Variants in RBFOX3 observed in about 807,000 individuals in gnomAD.
RBFOX3 encodes RNA binding protein fox-1 homolog 3.
RBFOX3 carries 17 observed loss-of-function variants against 48.7 expected under a neutral mutation model. The ratio of observed to expected loss-of-function variants is 0.35; its 90% CI spans 0.24 to 0.52. The LOEUF is 0.52. Ranked by LOEUF, RBFOX3 falls within the 20% of genes least tolerant of loss-of-function variation. RBFOX3 has a pLI of 0.94. For synonymous variants in RBFOX3, 212 were observed against 209.5 expected (o/e 1.01, Z -0.10); for missense variants, 382 against 497.5 (o/e 0.77, Z 2.21).
At chr17:79,275,123 CCTCTCTCTCTCTCTCTCTCT>C (rs368963249) in intron 3 of RBFOX3, among the ~76,000 whole-genome samples, 1 of 130,594 alleles carries the variant, frequency 7.7e-6, no homozygotes, top group African/African-American at 3.0e-5. Flanking sequence ...TCCATGTCTC[CCTCTCTCTCTCTCTCTCTCT>C]CTCTCTCTGT....
rs1036122764 is a variant in RBFOX3 at position 79,095,550 on chromosome 17, C to G, written c.961G>C (p.Ala321Pro). 1 of 1,551,286 alleles carries G rather than the reference C, an allele frequency of 6.4e-7. No homozygotes were observed. Among genetic ancestry groups the G allele is most frequent in the African/African-American group, 1.4e-5 (1 of 73,038 alleles). Residue 321 changes from alanine to proline, a missense_variant, in exon 13 of 15, where the codon GCT (alanine) becomes CCT (proline). Ala to Pro is a conservative substitution (Grantham distance 27). Coordinates refer to ENST00000693108, the MANE Select transcript of RBFOX3 (RefSeq NM_001350451.2). ...IYGGYAAYRY[A>P]QPAAAAAAYS... ...GCTGCCGCCGCTGCAGCGGGCTGAGCGTATCTGTAGGCTGCGTAGCCTCCC... is the reference window on the plus strand; with the variant it reads ...GCTGCCGCCGCTGCAGCGGGCTGAGGGTATCTGTAGGCTGCGTAGCCTCCC...
intron 4 of RBFOX3, among the ~76,000 whole-genome samples, chr17:79,161,107 C>A (rs768908028): frequency 6.6e-6 from 1 of 152,182 alleles, no homozygotes; most frequent in Non-Finnish European, 1.5e-5. Flanking sequence ...GAAACATAGC[C>A]CCTCTGCAGA....
chr17:79,406,770 C>T (rs1382183586), intron 2 of RBFOX3, among the ~76,000 whole-genome samples: 1 of 152,174 alleles, frequency 6.6e-6, no homozygotes, highest in Non-Finnish European at 1.5e-5. Context: ...GTTTAACTGG[C>T]TTGCCCCCGC....
At chr17:79,495,117 C>A (rs1197909871) in intron 1 of RBFOX3, among the ~76,000 whole-genome samples, 2 of 152,072 alleles carry the variant, frequency 1.3e-5, no homozygotes, top group Non-Finnish European at 1.5e-5. Context: ...GCCCCCTCCT[C>A]ACAGCCCATC....
intron 1 of RBFOX3, among the ~76,000 whole-genome samples, chr17:79,520,822 G>C (rs1317232013): frequency 6.6e-6 from 1 of 152,170 alleles, no homozygotes; most frequent in African/African-American, 2.4e-5. Flanking sequence ...AGACACACTC[G>C]CACACAGCTT....
At chr17:79,563,732 T>G (rs1349919603) in intron 1 of RBFOX3, among the ~76,000 whole-genome samples, 1 of 152,212 alleles carries the variant, frequency 6.6e-6, no homozygotes, top group African/African-American at 2.4e-5. Context: ...CCATCTTCAG[T>G]GCCTTGCCTG....
In RBFOX3 at chr17:79,387,452, C is replaced by T. The variant is rs142675275; in HGVS notation, c.-174-79628G>A. Among the ~76,000 whole-genome samples, 806 of 152,374 alleles carry T rather than the reference C, an allele frequency of 5.3e-3. 7 individuals are homozygous for T. The highest frequency in any genetic ancestry group is 9.5e-3 in the South Asian group (46 of 4,828). ...GTCCCAGGTCTTTTAAAAGCAACCT[C>T]AGCTTTCCGGCAGGGCCTGATCTAG... On this transcript the variant is annotated intron_variant, in intron 2 of 14. Coordinates refer to ENST00000693108, the MANE Select transcript of RBFOX3 (RefSeq NM_001350451.2).
At chr17:79,506,733 T>A (rs2083192193) in intron 1 of RBFOX3, among the ~76,000 whole-genome samples, 1 of 151,884 alleles carries the variant, frequency 6.6e-6, no homozygotes, top group Non-Finnish European at 1.5e-5. Context: ...GCTCAGTGAG[T>A]CTGGATGGGA....
At chr17:79,525,600 A>T (rs1038014885) in intron 1 of RBFOX3, among the ~76,000 whole-genome samples, 10 of 152,212 alleles carry the variant, frequency 6.6e-5, no homozygotes, top group Admixed American at 6.5e-4. Context: ...TTCTATAATC[A>T]CATACGTGTA....
intron 2 of RBFOX3, among the ~76,000 whole-genome samples, chr17:79,348,847 A>G (rs2083364607): frequency 6.6e-6 from 1 of 151,612 alleles, no homozygotes; most frequent in African/African-American, 2.4e-5. Context: ...AAGTGCTGGT[A>G]TTACAGACAT....
chr17:79,269,614 C>G (rs1252004028), intron 3 of RBFOX3, among the ~76,000 whole-genome samples: 2 of 148,524 alleles, frequency 1.3e-5, no homozygotes, highest in Non-Finnish European at 3.0e-5. Context: ...CTTCTCTGTT[C>G]TCCCCCTACC....
intron 3 of RBFOX3, among the ~76,000 whole-genome samples, chr17:79,265,675 G>A (rs183646931): frequency 2.0e-5 from 3 of 152,332 alleles, no homozygotes; most frequent in Admixed American, 6.5e-5. Context: ...CTTAGTTTCC[G>A]AATGCCTTTC....
At chr17:79,494,550 A>T (rs2081168084) in intron 1 of RBFOX3, among the ~76,000 whole-genome samples, 1 of 152,250 alleles carries the variant, frequency 6.6e-6, no homozygotes, top group African/African-American at 2.4e-5. Context: ...CAGAGAAGAC[A>T]CACAGAGCAC....
At chr17:79,585,731 C>G (rs1278901754) in intron 1 of RBFOX3, among the ~76,000 whole-genome samples, 1 of 152,102 alleles carries the variant, frequency 6.6e-6, no homozygotes, top group Non-Finnish European at 1.5e-5. Flanking sequence ...CTCCCAGCAG[C>G]AAAGTGCCAG....
intron 3 of RBFOX3, among the ~76,000 whole-genome samples, chr17:79,302,299 T>C (rs2075435309): frequency 6.6e-6 from 1 of 152,104 alleles, no homozygotes; most frequent in Non-Finnish European, 1.5e-5. Flanking sequence ...GGCTTAGAAG[T>C]TAAGTACACG....
At chr17:79,118,907 T>C (rs1599517073) in intron 4 of RBFOX3, among the ~76,000 whole-genome samples, 1 of 150,112 alleles carries the variant, frequency 6.7e-6, no homozygotes, top group Non-Finnish European at 1.5e-5. Flanking sequence ...AGCCTGGAGG[T>C]TGAGGCTGCA....
chr17:79,489,224 A>C (rs1425769421), intron 1 of RBFOX3, among the ~76,000 whole-genome samples: 1 of 134,330 alleles, frequency 7.4e-6, no homozygotes, highest in Admixed American at 8.2e-5. Flanking sequence ...TTAGCCTTCT[A>C]GTCCTGCCAG....
rs2057407237 is a variant in RBFOX3, at chr17:79,205,842, T to A, written c.-34+29924A>T. Reference sequence around the variant, plus strand: ...TAAAGAGTCAAAAGCAGTTGGCTTTTTTTTTTTTTTTCCTTAAAGTAGTTT... The same window carrying A: ...TAAAGAGTCAAAAGCAGTTGGCTTTATTTTTTTTTTTCCTTAAAGTAGTTT... On this transcript the variant is annotated intron_variant, in intron 4 of 14. Coordinates refer to ENST00000693108, the MANE Select transcript of RBFOX3 (RefSeq NM_001350451.2). This position sits in a 1 kb window ranked among gnomAD's most constrained non-coding sequence, Gnocchi z 4.5. Among the ~76,000 whole-genome samples the A allele has an allele frequency of 6.7e-6, 1 of 149,318 alleles. No homozygotes were observed. The highest frequency in any genetic ancestry group is 6.7e-5 in the Admixed American group (1 of 14,994).
intron 3 of RBFOX3, among the ~76,000 whole-genome samples, chr17:79,271,584 C>T (rs1567953694): frequency 6.6e-6 from 1 of 152,196 alleles, no homozygotes. Flanking sequence ...GCAGAGGATG[C>T]CTGGGCCATG....
Sources: allele counts gnomAD v4.1 joint callset (sites outside exome capture counted in the v4.1 genomes callset), GRCh38; gene constraint gnomAD v4.1.1; non-coding constraint Gnocchi (gnomAD v3.1); transcripts MANE v1.5; gene names NCBI Gene and HGNC (gene_info 2026-07-23, HGNC 2026-07-21).